Variants in USH2A observed in about 807,000 individuals in gnomAD.
The protein encoded by USH2A is Usher syndrome 2A (autosomal recessive, mild).
In USH2A, 443 loss-of-function variants were observed where a neutral mutation model predicts 538.9. That is an observed-to-expected ratio of 0.82 (90% CI 0.76 to 0.89). USH2A has a LOEUF of 0.89. Ranked by LOEUF, USH2A falls within the 40% of genes least tolerant of loss-of-function variation. The probability of loss-of-function intolerance (pLI) is 0.00; values close to 1 mark genes in which losing one functional copy is unlikely to be tolerated. For synonymous variants in USH2A, 2,413 were observed against 2,273.5 expected, an observed-to-expected ratio of 1.06 and a Z score of -1.75; for missense variants, 6,633 against 6,324.8, an observed-to-expected ratio of 1.05 and a Z score of -1.65.
At chr1:215,837,967 T>G in intron 47 of USH2A, 24 bp downstream of exon 47, 1 of 1,572,854 alleles carries the variant, frequency 6.4e-7, no homozygotes, top group Non-Finnish European at 8.8e-7. Context: ...GTTCCTTAGA[T>G]TTAACTGACA....
At chr1:216,227,273 A>G (rs1218243977) in intron 14 of USH2A, among the ~76,000 whole-genome samples, 1 of 152,220 alleles carries the variant, frequency 6.6e-6, no homozygotes, top group Non-Finnish European at 1.5e-5. Context: ...AGAATGAATG[A>G]GAAAGAAACA....
At chr1:215,823,757 AT>A (rs1663077649) in intron 47 of USH2A, among the ~76,000 whole-genome samples, 1 of 149,978 alleles carries the variant, frequency 6.7e-6, no homozygotes, top group Admixed American at 6.7e-5. Context: ...ACCTCTCTGT[AT>A]TTTCAAATAG....
intron 44 of USH2A, among the ~76,000 whole-genome samples, chr1:215,848,940 G>A (rs1663940032): frequency 6.6e-6 from 1 of 152,134 alleles, no homozygotes; most frequent in Non-Finnish European, 1.5e-5. Flanking sequence ...CTAAGAAACA[G>A]AAGATACATC....
chr1:215,781,368 C>A (rs1661629920), intron 54 of USH2A, among the ~76,000 whole-genome samples: 1 of 152,172 alleles, frequency 6.6e-6, no homozygotes, highest in Non-Finnish European at 1.5e-5. Context: ...TTACCTTCAA[C>A]ATTTTTCTCT....
intron 40 of USH2A, among the ~76,000 whole-genome samples, chr1:215,896,180 C>T (rs1301557235): frequency 6.6e-6 from 1 of 152,040 alleles, no homozygotes; most frequent in Non-Finnish European, 1.5e-5. Flanking sequence ...TGCAGTAGTG[C>T]CTCTTAGACT....
intron 4 of USH2A, among the ~76,000 whole-genome samples, chr1:216,362,660 C>A (rs1015819942): frequency 6.6e-6 from 1 of 151,844 alleles, no homozygotes; most frequent in South Asian, 2.1e-4. Flanking sequence ...GTATTATTTA[C>A]GGCAGGGTGC....
At chr1:216,418,237 A>T (rs528819329) in intron 3 of USH2A, among the ~76,000 whole-genome samples, 1 of 152,266 alleles carries the variant, frequency 6.6e-6, no homozygotes, top group East Asian at 1.9e-4. Flanking sequence ...CGAACCCAAG[A>T]AAACAAAAAT....
chr1:215,847,629 A>C (rs1663897760), intron 44 of USH2A, among the ~76,000 whole-genome samples: 1 of 151,900 alleles, frequency 6.6e-6, no homozygotes, highest in African/African-American at 2.4e-5. Context: ...TGGACAACAG[A>C]ATGAGACCAT....
chr1:216,052,135 A>T (rs1453935303), intron 30 of USH2A, among the ~76,000 whole-genome samples: 2 of 152,292 alleles, frequency 1.3e-5, no homozygotes, highest in East Asian at 1.9e-4. Context: ...CTTAAAAGCA[A>T]GCACTGCTCA....
intron 30 of USH2A, among the ~76,000 whole-genome samples, chr1:216,056,638 G>A (rs1476244977): frequency 6.6e-6 from 1 of 152,170 alleles, no homozygotes; most frequent in Non-Finnish European, 1.5e-5. Context: ...ACCTTAAAAT[G>A]TGTTAAGAGG....
chr1:216,146,561 C>A (rs572230957), intron 21 of USH2A, among the ~76,000 whole-genome samples: 4 of 152,140 alleles, frequency 2.6e-5, no homozygotes, highest in Non-Finnish European at 4.4e-5. Context: ...TCTCCTTCAC[C>A]CTTAGCGGCA....
chr1:216,094,666 T>C (rs1410425511), intron 22 of USH2A, among the ~76,000 whole-genome samples: 1 of 152,210 alleles, frequency 6.6e-6, no homozygotes, highest in Non-Finnish European at 1.5e-5. Context: ...CTTACTGAAA[T>C]ATTTCTTTCC....
intron 11 of USH2A, among the ~76,000 whole-genome samples, chr1:216,268,991 T>A (rs1371211470): frequency 6.6e-6 from 1 of 152,104 alleles, no homozygotes; most frequent in East Asian, 1.9e-4. Flanking sequence ...CTCTTCCAAC[T>A]CCCCAAATCA....
At chr1:215,924,076 G>A (rs1013503405) in intron 38 of USH2A, among the ~76,000 whole-genome samples, 3 of 151,664 alleles carry the variant, frequency 2.0e-5, no homozygotes, top group East Asian at 1.9e-4. Context: ...ACAAGCATAC[G>A]AAACATTTAA....
chr1:216,181,890 T>C (rs1488418242), intron 20 of USH2A, among the ~76,000 whole-genome samples: 1 of 152,120 alleles, frequency 6.6e-6, no homozygotes, highest in Non-Finnish European at 1.5e-5. Context: ...TGTACATGCA[T>C]TAAATGCTGG....
Position 216,052,991 on chromosome 1 carries a change from TATC to T in USH2A, c.6050-4347_6050-4345del, listed in dbSNP as rs149317876. On this transcript the variant is annotated intron_variant, in intron 30 of 71. Transcript: ENST00000307340. The stretch of plus-strand genomic sequence containing the variant: ...AAAATACAGTGTTACTCTGAAGATA[TATC>T]ATCATCAAAAAGCATTTATCAATGT... Among the ~76,000 whole-genome samples the T allele has an allele frequency of 7.5e-3, 1,138 of 152,330 alleles. 11 individuals are homozygous for T. The highest frequency in any genetic ancestry group is 9.5e-3 in the Non-Finnish European group (645 of 68,036).
rs529785655 is a variant in USH2A at position 215,861,828 on chromosome 1, G to A, written c.8845+5179C>T. 1.9e-4 allele frequency among the ~76,000 whole-genome samples: 27 copies of A among 144,544 alleles called. 1 individual carries two copies. The highest frequency in any genetic ancestry group is 1.0e-4 in the Non-Finnish European group (7 of 66,784). 94.8% of individuals were successfully genotyped at this position (144,544 alleles called of 152,430 possible). ...GAGAATGGATGCCATGCAATAGTTA[G>A]TAGTTTTCGCTTTTTTTTTTTTTTT... On this transcript the variant is annotated intron_variant, in intron 44 of 71. Coordinates refer to ENST00000307340, the MANE Select transcript of USH2A (RefSeq NM_206933.4).
chr1:216,059,355 T>C (rs968276979), intron 30 of USH2A, among the ~76,000 whole-genome samples: 2 of 152,194 alleles, frequency 1.3e-5, no homozygotes, highest in African/African-American at 4.8e-5. Context: ...TGTATGCCTC[T>C]AACTCTTCAG....
chr1:215,980,129 G>T (rs1667715946), intron 35 of USH2A, among the ~76,000 whole-genome samples: 1 of 152,162 alleles, frequency 6.6e-6, no homozygotes, highest in Non-Finnish European at 1.5e-5. Context: ...AGCATGCCAG[G>T]TAAGAAGACA....
Sources: gnomAD v4.1 joint callset for allele counts (sites outside exome capture counted in the v4.1 genomes callset) on GRCh38, gnomAD v4.1.1 for gene constraint, MANE v1.5 for transcripts, NCBI Gene and HGNC (gene_info 2026-07-23, HGNC 2026-07-21) for gene names.